MYT1L: variants seen among roughly 807,000 people sequenced by gnomAD.
MYT1L encodes myelin transcription factor 1-like protein.
A neutral mutation model predicts 126.7 loss-of-function variants in MYT1L; 12 were observed. That is an observed-to-expected ratio of 0.09 (90% CI 0.06 to 0.15). The LOEUF is 0.15. Among genes scored for constraint, MYT1L ranks in the 10% least tolerant of loss-of-function variants. The probability of loss-of-function intolerance (pLI) is 1.00; values close to 1 mark genes in which losing one functional copy is unlikely to be tolerated. For synonymous variants in MYT1L, 541 were observed against 604.2 expected (o/e 0.90, Z 1.53); for missense variants, 979 against 1,585.2 (o/e 0.62, Z 6.49).
chr2:2,230,364 G>A (rs1372345175), intron 2 of MYT1L, among the ~76,000 whole-genome samples: 1 of 152,208 alleles, frequency 6.6e-6, no homozygotes, highest in Non-Finnish European at 1.5e-5. Context: ...CTTCAAGCTC[G>A]AATTTCTGAA....
intron 2 of MYT1L, among the ~76,000 whole-genome samples, chr2:2,181,406 G>A (rs1426435852): frequency 6.6e-6 from 1 of 152,126 alleles, no homozygotes; most frequent in Non-Finnish European, 1.5e-5. Flanking sequence ...CTGATTGCTA[G>A]CTGAACTCTC....
chr2:2,174,517 A>T (rs772364721), intron 2 of MYT1L, among the ~76,000 whole-genome samples: 3 of 152,178 alleles, frequency 2.0e-5, no homozygotes, highest in Non-Finnish European at 4.4e-5. Flanking sequence ...CACAATTCAG[A>T]CCCACGTCCT....
intron 18 of MYT1L, among the ~76,000 whole-genome samples, chr2:1,867,753 A>G (rs1299455482): frequency 6.6e-6 from 1 of 152,140 alleles, no homozygotes; most frequent in Non-Finnish European, 1.5e-5. Context: ...AGATATAGAT[A>G]TGCTCATTAA....
At position 2,020,040 on chromosome 2, in the gene MYT1L, T is replaced by C. The variant is rs1258462692; in HGVS notation, c.-157-22693A>G. Among the ~76,000 whole-genome samples, 4 of 152,092 alleles carry C rather than the reference T, an allele frequency of 2.6e-5. No individual in the cohort carries two copies. In the East Asian group the frequency reaches 7.7e-4, roughly 29 times the overall value. On this transcript the variant is annotated intron_variant, in intron 4 of 24. Transcript: ENST00000647738. Reference sequence around the variant, plus strand: ...TTGTATTTTTTGTAGAGACGAGGTTTCACCATGTTGTCTAGGCTGCTCTTG... The same window carrying C: ...TTGTATTTTTTGTAGAGACGAGGTTCCACCATGTTGTCTAGGCTGCTCTTG...
intron 2 of MYT1L, among the ~76,000 whole-genome samples, chr2:2,235,629 T>TC (rs1029239923): frequency 2.6e-5 from 4 of 152,196 alleles, no homozygotes; most frequent in Admixed American, 2.6e-4. Context: ...GAGTTTGATT[T>TC]CTCACCCTTC....
At chr2:2,153,691 GT>G (rs1330679556) in intron 3 of MYT1L, among the ~76,000 whole-genome samples, 2 of 152,220 alleles carry the variant, frequency 1.3e-5, no homozygotes, top group Non-Finnish European at 2.9e-5. Context: ...ATGCTAGTGA[GT>G]TCAGTTTATA....
At chr2:2,294,294 C>G (rs1394336369) in intron 1 of MYT1L, among the ~76,000 whole-genome samples, 1 of 152,162 alleles carries the variant, frequency 6.6e-6, no homozygotes, top group African/African-American at 2.4e-5. Flanking sequence ...CTGGCATCCT[C>G]TCAACTTATG....
intron 5 of MYT1L, among the ~76,000 whole-genome samples, chr2:1,983,446 G>T (rs1489784806): frequency 6.6e-6 from 1 of 152,220 alleles, no homozygotes; most frequent in Non-Finnish European, 1.5e-5. Flanking sequence ...TTGCCAGAAA[G>T]ATTCAAATTA....
intron 18 of MYT1L, among the ~76,000 whole-genome samples, chr2:1,862,532 CT>C (rs1157220132): frequency 1.3e-5 from 2 of 152,098 alleles, no homozygotes; most frequent in African/African-American, 2.4e-5. Flanking sequence ...CCTCTTTGTG[CT>C]TTTTATTGAT....
chr2:1,977,975 A>G (rs1293518814), intron 8 of MYT1L, among the ~76,000 whole-genome samples: 1 of 152,236 alleles, frequency 6.6e-6, no homozygotes, highest in African/African-American at 2.4e-5. Context: ...TAAATTTAAT[A>G]ATTGAAATTG....
chr2:2,208,660 GT>G (rs1422401156), intron 2 of MYT1L, among the ~76,000 whole-genome samples: 1 of 152,130 alleles, frequency 6.6e-6, no homozygotes, highest in Non-Finnish European at 1.5e-5. Context: ...TATGAAGAAT[GT>G]TTTAAAAGTG....
Position 1,806,503 on chromosome 2 carries a change from C to T in MYT1L, c.3172+2573G>A, listed in dbSNP as rs1420846278. On this transcript the variant is annotated intron_variant, in intron 22 of 24. Transcript: ENST00000647738. The surrounding 1 kb of genome is among the most constrained non-coding windows in gnomAD (Gnocchi z 4.9). ...TCCCGGCTGCTTTCTGGTGGGATGA[C>T]ACCCAGTTGTTGGTTCCTCTAGTTT... is the stretch of plus-strand genomic sequence containing the variant. 6.6e-6 allele frequency among the ~76,000 whole-genome samples: 1 copy of T among 152,226 alleles called. No individual in the cohort carries two copies. The highest frequency in any genetic ancestry group is 1.9e-4 in the East Asian group (1 of 5,194).
At position 2,224,796 on chromosome 2, in the gene MYT1L, G is replaced by A. The variant is rs994744792; in HGVS notation, c.-420-51808C>T. ...ATTGAGCCACTGCACTCCAGCCTGGGCAACAGAGCAAGACTCCGTCTCAAA... is the reference window on the plus strand; with the variant it reads ...ATTGAGCCACTGCACTCCAGCCTGGACAACAGAGCAAGACTCCGTCTCAAA... On this transcript the variant is annotated intron_variant, in intron 2 of 24. Transcript: ENST00000647738. This position sits in a 1 kb window ranked among gnomAD's most constrained non-coding sequence, Gnocchi z 4.0. 6.6e-6 allele frequency among the ~76,000 whole-genome samples: 1 copy of A among 151,100 alleles called. No individual in the cohort carries two copies. Among genetic ancestry groups the A allele is most frequent in the Admixed American group, 6.6e-5 (1 of 15,140 alleles).
chr2:2,317,455 T>G (rs1033894578), intron 1 of MYT1L, among the ~76,000 whole-genome samples: 7 of 151,796 alleles, frequency 4.6e-5, no homozygotes, highest in African/African-American at 1.7e-4. Flanking sequence ...GGCAGAAAAC[T>G]GCAATCATTT....
At chr2:1,951,963 C>T (rs936610390) in intron 8 of MYT1L, among the ~76,000 whole-genome samples, 4 of 152,200 alleles carry the variant, frequency 2.6e-5, no homozygotes, top group African/African-American at 9.7e-5. Flanking sequence ...TCCAACCAAA[C>T]GTATATACTA....
At chr2:2,149,231 C>T (rs1372145050) in intron 3 of MYT1L, among the ~76,000 whole-genome samples, 2 of 152,132 alleles carry the variant, frequency 1.3e-5, no homozygotes, top group Non-Finnish European at 2.9e-5. Flanking sequence ...CTTAGAGATT[C>T]CTGTAAGCAA....
At chr2:1,952,989 C>CTTTCT (rs74221181) in intron 8 of MYT1L, among the ~76,000 whole-genome samples, 14 of 117,898 alleles carry the variant, frequency 1.2e-4, no homozygotes, top group Admixed American at 4.6e-4. Context: ...CTTTCTCTTT[C>CTTTCT]TTTCTTTTCT....
chr2:1,977,480 C>T (rs974601428), intron 8 of MYT1L, among the ~76,000 whole-genome samples: 4 of 152,192 alleles, frequency 2.6e-5, no homozygotes, highest in African/African-American at 4.8e-5. Flanking sequence ...ATCTAGCTCA[C>T]ACCTCATTAC....
chr2:1,791,915 T>G lies in MYT1L; in HGVS notation c.3513A>C (p.Lys1171Asn), dbSNP rs2032153433. Reference protein sequence around the residue: ...NQDRYQSPENKALLENIKQAV... With the variant: ...NQDRYQSPENNALLENIKQAV... Reference sequence around the variant, plus strand: ...CCTGCTTTATATTTTCCAGTAGGGCTTTATTTTCTGGACTCTGATAACGAT... The same window carrying G: ...CCTGCTTTATATTTTCCAGTAGGGCGTTATTTTCTGGACTCTGATAACGAT... The change falls in exon 25 of 25, where the codon AAA (lysine) becomes AAC (asparagine). Residue 1171 changes from lysine (K) to asparagine (N), a missense_variant. This residue lies in a region of MYT1L where 179 missense variants were observed against 398.6 expected (regional missense o/e 0.45). Coordinates refer to ENST00000647738, the MANE Select transcript of MYT1L (RefSeq NM_001303052.2). This position sits in a 1 kb window ranked among gnomAD's most constrained non-coding sequence, Gnocchi z 6.0. The G allele has an allele frequency of 6.2e-7, 1 of 1,611,792 alleles. No homozygotes were observed. The highest frequency in any genetic ancestry group is 1.3e-5 in the African/African-American group (1 of 74,886).
Sources: gnomAD v4.1 joint callset for allele counts (sites outside exome capture counted in the v4.1 genomes callset) on GRCh38, gnomAD v4.1.1 for gene constraint, gnomAD v4.1.1 regional missense constraint, Gnocchi (gnomAD v3.1) non-coding constraint, MANE v1.5 for transcripts, NCBI Gene and HGNC (gene_info 2026-07-23, HGNC 2026-07-21) for gene names.